PLCZ1: variants seen among roughly 807,000 people sequenced by gnomAD.
PLCZ1 encodes 1-phosphatidylinositol 4,5-bisphosphate phosphodiesterase zeta-1.
Under a neutral mutation model 76.8 loss-of-function variants are expected in PLCZ1, and 64 were observed. The observed-to-expected ratio is 0.83, with a 90% confidence interval of 0.68 to 1.03. The LOEUF (loss-of-function observed/expected upper bound fraction) is 1.03. PLCZ1 is among the 50% of genes least tolerant of loss of function. The pLI is 0.00. For synonymous variants in PLCZ1, 248 were observed against 230.8 expected (o/e 1.07, Z -0.68); for missense variants, 751 against 713.7 (o/e 1.05, Z -0.60).
downstream of PLCZ1, among the ~76,000 whole-genome samples, chr12:18,680,048 C>G (rs1435242440): frequency 6.6e-6 from 1 of 151,834 alleles, no homozygotes; most frequent in Non-Finnish European, 1.5e-5. Context: ...TCATAAGAAC[C>G]CTTTGTTGGT....
In PLCZ1 at chr12:18,694,346, A is replaced by T. The variant is rs183167558; in HGVS notation, c.1461+564T>A. On this transcript the variant is annotated intron_variant, in intron 12 of 14. Transcript: ENST00000266505. The stretch of plus-strand genomic sequence containing the variant: ...AAACAAACAAAAAAGCTCTCCCAAC[A>T]TGCAGAGGAAAAGGGAATATGTTAA... 3.3e-5 allele frequency among the ~76,000 whole-genome samples: 5 copies of T among 152,314 alleles called. No individual in the cohort carries two copies. In the East Asian group the frequency reaches 7.7e-4, roughly 24 times the overall value.
downstream of PLCZ1, among the ~76,000 whole-genome samples, chr12:18,680,419 G>C (rs2137015583): frequency 1.3e-5 from 2 of 151,982 alleles, no homozygotes; most frequent in Middle Eastern, 6.8e-3. Context: ...CAGCTACAGG[G>C]AAGCTTCCTC....
chr12:18,690,614 A>T (rs73344980), intron 12 of PLCZ1, among the ~76,000 whole-genome samples: 5,234 of 152,304 alleles, frequency 0.034, 327 homozygotes, highest in African/African-American at 0.12. Flanking sequence ...GATAAATGCC[A>T]TAATATATGC....
At chr12:18,694,803 G>A in intron 12 of PLCZ1, 107 bp downstream of exon 12, 1 of 936,818 alleles carries the variant, frequency 1.1e-6, no homozygotes, top group South Asian at 1.8e-5. Flanking sequence ...AAGATTAACA[G>A]AAATTTAAAA....
intron 12 of PLCZ1, chr12:18,693,163 C>T (rs1954390673): frequency 3.9e-6 from 6 of 1,546,806 alleles, no homozygotes; most frequent in Non-Finnish European, 5.4e-6. Context: ...TCTGTGGGCT[C>T]AGAACACTAC....
downstream of PLCZ1, among the ~76,000 whole-genome samples, chr12:18,679,491 T>C (rs1952230718): frequency 6.6e-6 from 1 of 152,008 alleles, no homozygotes; most frequent in Non-Finnish European, 1.5e-5. Context: ...GTGACAACAT[T>C]CATTTTTTCC....
At chr12:18,693,433 C>T in intron 12 of PLCZ1, 2 of 1,604,660 alleles carry the variant, frequency 1.2e-6, no homozygotes, top group Non-Finnish European at 1.7e-6. Context: ...ATAAAGCCTC[C>T]AAGGGGGTCA....
At chr12:18,736,475 T>A (rs1320961257) in intron 2 of PLCZ1, 131 bp from the exon 3 acceptor site, 4 of 1,204,824 alleles carry the variant, frequency 3.3e-6, no homozygotes, top group Middle Eastern at 2.9e-4. Flanking sequence ...TATAGTATAA[T>A]TGTATGATAA....
chr12:18,657,189 G>T, the PLCZ1 span, among the ~76,000 whole-genome samples: 2 of 152,138 alleles, frequency 1.3e-5, no homozygotes, highest in African/African-American at 4.8e-5. Context: ...TGCCACTGCT[G>T]CTGGGGACAA....
At chr12:18,734,533 T>C (rs1592301929) in intron 3 of PLCZ1, among the ~76,000 whole-genome samples, 2 of 152,238 alleles carry the variant, frequency 1.3e-5, no homozygotes, top group African/African-American at 2.4e-5. Context: ...GTGTTTTTAG[T>C]AGAGACGAGG....
chr12:18,654,486 TGTG>T, the PLCZ1 span, among the ~76,000 whole-genome samples: 1 of 152,080 alleles, frequency 6.6e-6, no homozygotes, highest in Non-Finnish European at 1.5e-5. Flanking sequence ...GTTAAGAAAA[TGTG>T]GTCCGATTTC....
intron 5 of PLCZ1, chr12:18,714,881 C>A (rs933051952): frequency 6.6e-6 from 1 of 151,958 alleles, no homozygotes; most frequent in African/African-American, 2.4e-5. Flanking sequence ...GTTTGAGAAA[C>A]CCTGCTGTAA....
chr12:18,734,405 C>T (rs1289666341), intron 3 of PLCZ1, among the ~76,000 whole-genome samples: 6 of 152,106 alleles, frequency 3.9e-5, no homozygotes, highest in African/African-American at 7.2e-5. Flanking sequence ...GGCTGAAGTG[C>T]AGTGGCGCAA....
rs1429332227 is a variant in PLCZ1 at position 18,699,873 on chromosome 12, T to C, written c.1095A>G (p.Gln365=). The change falls in exon 10 of 15, where the codon CAA becomes CAG. Residue 365 remains glutamine, a synonymous_variant. Transcript: ENST00000266505. ...YTKAEKFKSF[Q]HSRLYQQFNE... ...TAAATTGCTGATATAATCTTGAATG[T>C]TGAAAGCTTTTGAATTTCTCAGCTT... 6.2e-7 allele frequency: 1 copy of C among 1,612,878 alleles called. No individual in the cohort carries two copies. Among genetic ancestry groups the C allele is most frequent in the South Asian group, 1.1e-5 (1 of 91,026 alleles).
At chr12:18,680,464 T>C (rs1303497011), downstream of PLCZ1, among the ~76,000 whole-genome samples, 4 of 152,032 alleles carry the variant, frequency 2.6e-5, no homozygotes, top group Admixed American at 2.0e-4. Context: ...CTTTACTCTT[T>C]AGCAACCAGC....
the PLCZ1 span, chr12:18,647,869 T>G: frequency 1.4e-6 from 2 of 1,478,922 alleles, no homozygotes; most frequent in Non-Finnish European, 1.8e-6. Context: ...ATTTTCTCCG[T>G]TTTTAGGTAG....
At chr12:18,683,111 T>G (rs916349016), downstream of PLCZ1, 1 of 813,664 alleles carries the variant, frequency 1.2e-6, no homozygotes, top group Non-Finnish European at 2.0e-6. Flanking sequence ...TTTAAGTGAA[T>G]GGGCTCAATA....
chr12:18,702,189 G>T (rs1047041243), intron 7 of PLCZ1, among the ~76,000 whole-genome samples: 2 of 151,544 alleles, frequency 1.3e-5, no homozygotes, highest in African/African-American at 4.9e-5. Flanking sequence ...ATGAAATCAG[G>T]TATATTAAAA....
At chr12:18,724,558 T>C (rs558032098) in intron 3 of PLCZ1, among the ~76,000 whole-genome samples, 2 of 152,232 alleles carry the variant, frequency 1.3e-5, no homozygotes, top group South Asian at 4.1e-4. Flanking sequence ...GTGGGATCTG[T>C]GGTTGTCAAA....
Sources: allele counts gnomAD v4.1 joint callset (sites outside exome capture counted in the v4.1 genomes callset), GRCh38; gene constraint gnomAD v4.1.1; transcripts MANE v1.5; gene names NCBI Gene and HGNC (gene_info 2026-07-23, HGNC 2026-07-21).